The following RHPN1 variants were observed in gnomAD, a reference collection of about 807,000 sequenced individuals.
The protein encoded by RHPN1 is rhophilin Rho GTPase binding protein 1, also known as rhophilin-1.
In RHPN1, 77 loss-of-function variants were observed where a neutral mutation model predicts 74.7. The ratio of observed to expected loss-of-function variants is 1.03; its 90% confidence interval spans 0.86 to 1.25. The LOEUF (loss-of-function observed/expected upper bound fraction) is 1.25. RHPN1 is among the 50% of genes most tolerant of loss of function. The probability of loss-of-function intolerance (pLI) is 0.00; values close to 1 mark genes in which losing one functional copy is unlikely to be tolerated. For synonymous variants in RHPN1, 444 were observed against 414.5 expected (o/e 1.07, Z -0.87); for missense variants, 987 against 932.2 (o/e 1.06, Z -0.77).
chr8:143,376,906 G>GTGTGTCTGTGTGTCTGCA lies in RHPN1; in HGVS notation c.305+267_305+284dup, dbSNP rs1019095271. On this transcript the variant is annotated intron_variant, in intron 3 of 14. Transcript: ENST00000289013. ...TGTGTGTGCATGCGTCTGTGTGCGC[G>GTGTGTCTGTGTGTCTGCA]TGTGTCTGTGTGTCTGCATGTGTCT... 7.3e-4 allele frequency among the ~76,000 whole-genome samples: 92 copies of GTGTGTCTGTGTGTCTGCA among 125,848 alleles called. 2 individuals carry two copies. In the South Asian group the frequency reaches 0.022, roughly 30 times the overall value. The allele number at this position is 125,848 out of a possible 152,430, so 82.6% of individuals were successfully genotyped here.
chr8:143,378,356 T>C lies in RHPN1; in HGVS notation c.459+10T>C. 6.6e-7 allele frequency: 1 copy of C among 1,525,440 alleles called. No homozygotes were observed. 94.5% of individuals were successfully genotyped at this position (1,525,440 alleles called of 1,614,324 possible). A position where few individuals can be genotyped will look rare whatever the true frequency, so the allele number is the denominator to read the frequency against. On this transcript the variant is annotated intron_variant, in intron 5 of 14. Transcript: ENST00000289013. ...GGAGGCCCTGCGGCAGGTGTGTGGT[T>C]CCCCCGCCCACCCACCCTCCTGCAG...
chr8:143,376,891 T>C (rs1014295735), intron 3 of RHPN1, among the ~76,000 whole-genome samples: 1 of 45,426 alleles, frequency 2.2e-5, no homozygotes, highest in African/African-American at 7.9e-5. Flanking sequence ...TGTGTGTGCA[T>C]GCGTCTGTGT....
At chr8:143,378,139 G>A (rs1358087702) in intron 4 of RHPN1, 130 bp from the exon 5 acceptor site, 18 of 771,770 alleles carry the variant, frequency 2.3e-5, no homozygotes, top group Non-Finnish European at 3.6e-5. Context: ...CACGCTGCAT[G>A]GCAGCCAGCC....
chr8:143,368,434 G>A (rs1301610633), upstream of RHPN1: 1 of 152,542 alleles, frequency 6.6e-6, no homozygotes, highest in East Asian at 1.9e-4. Context: ...CCTCTTAGAG[G>A]GTCCCGTTGC....
intron 14 of RHPN1, 115 bp from the exon 15 acceptor site, chr8:143,382,321 A>G (rs766943871): frequency 8.7e-6 from 8 of 923,586 alleles, no homozygotes; most frequent in Non-Finnish European, 1.2e-5. Flanking sequence ...GGAGCCCCCA[A>G]ACAAGCCCCC....
At chr8:143,379,752 G>C in intron 8 of RHPN1, 77 bp from the exon 9 acceptor site, 1 of 1,515,390 alleles carries the variant, frequency 6.6e-7, no homozygotes, top group Non-Finnish European at 8.8e-7. Flanking sequence ...GTCGGAGCAG[G>C]TGGAGGCTGG....
At chr8:143,376,264 G>C (rs1307859067) in intron 2 of RHPN1, among the ~76,000 whole-genome samples, 1 of 152,250 alleles carries the variant, frequency 6.6e-6, no homozygotes, top group African/African-American at 2.4e-5. Flanking sequence ...AAGCCGTGGT[G>C]CTGAGGGAGG....
chr8:143,366,310 A>AT (rs561675229), upstream of RHPN1, among the ~76,000 whole-genome samples: 11 of 151,898 alleles, frequency 7.2e-5, no homozygotes, highest in South Asian at 1.2e-3. Context: ...CCATCCTTTC[A>AT]TTTTTCCCCC....
rs759406400 is a variant in RHPN1, at chr8:143,383,128, C to T, written c.*477C>T. ...CCACAGCACCCGCAGACCTCTAGGC[C>T]GGGTCCCAGACATGGCCTTCCCCCA... On this transcript the variant is annotated 3_prime_UTR_variant, in exon 15 of 15. Coordinates refer to ENST00000289013, the MANE Select transcript of RHPN1 (RefSeq NM_052924.3). 1.1e-4 allele frequency: 22 copies of T among 191,696 alleles called. No individual in the cohort carries two copies. The highest frequency in any genetic ancestry group is 2.2e-4 in the Admixed American group (4 of 17,992). The allele number at this position is 191,696 out of a possible 1,614,324, so 11.9% of individuals were successfully genotyped here. A position where few individuals can be genotyped will look rare whatever the true frequency, so the allele number is the denominator to read the frequency against.
Position 143,382,156 on chromosome 8 carries a change from C to T in RHPN1, c.1797+188C>T, listed in dbSNP as rs376874800. On this transcript the variant is annotated intron_variant, in intron 14 of 14. Transcript: ENST00000289013. The stretch of plus-strand genomic sequence containing the variant: ...CATCTGGCAGCTCTTGCCCTGACCC[C>T]GAGGATGCTGCAGCCCACCCCTCAC... Among the ~76,000 whole-genome samples the T allele has an allele frequency of 3.3e-4, 51 of 152,300 alleles. 2 individuals carry two copies. The highest frequency in any genetic ancestry group is 3.9e-4 in the East Asian group (2 of 5,176).
intron 7 of RHPN1, 102 bp from the exon 8 acceptor site, chr8:143,379,213 A>G (rs2130595259): frequency 7.2e-7 from 1 of 1,392,880 alleles, no homozygotes. Flanking sequence ...TCAGGTCCAT[A>G]TGTGTCCCAG....
At chr8:143,365,991 C>A, upstream of RHPN1, among the ~76,000 whole-genome samples, 1 of 136,530 alleles carries the variant, frequency 7.3e-6, no homozygotes, top group East Asian at 2.2e-4. Flanking sequence ...GACAGAGAGC[C>A]ACCCTGTCTC....
upstream of RHPN1, chr8:143,368,637 T>G (rs1817621507): frequency 5.6e-6 from 1 of 179,716 alleles, no homozygotes; most frequent in Admixed American, 6.2e-5. Context: ...CAGTACAACC[T>G]GCCAGCCAGC....
At position 143,383,034 on chromosome 8, in the gene RHPN1, G is replaced by C. The variant is rs571957875; in HGVS notation, c.*383G>C. 89 of 232,428 alleles carry C rather than the reference G, an allele frequency of 3.8e-4. No homozygotes were observed. Among genetic ancestry groups the C allele is most frequent in the African/African-American group, 1.8e-3 (77 of 43,860 alleles). 14.4% of individuals were successfully genotyped at this position (232,428 alleles called of 1,614,324 possible). A position where few individuals can be genotyped will look rare whatever the true frequency, so the allele number is the denominator to read the frequency against. On this transcript the variant is annotated 3_prime_UTR_variant, in exon 15 of 15. Coordinates refer to ENST00000289013, the MANE Select transcript of RHPN1 (RefSeq NM_052924.3). Reference sequence around the variant, plus strand: ...CCTGCCTCCAGCCAAGTTTCTGCCTGGTGCCCAGTGATTCCTGCTGGGCAC... The same window carrying C: ...CCTGCCTCCAGCCAAGTTTCTGCCTCGTGCCCAGTGATTCCTGCTGGGCAC...
chr8:143,378,734 G>A lies in RHPN1; in HGVS notation c.498G>A (p.Glu166=). 6.3e-7 allele frequency: 1 copy of A among 1,593,136 alleles called. No individual in the cohort carries two copies. Among genetic ancestry groups the A allele is most frequent in the South Asian group, 1.1e-5 (1 of 87,754 alleles). The stretch of plus-strand genomic sequence containing the variant: ...CCAGCCGGAATGAGTCGGGCCTGGA[G>A]CTGCTCACAGCCTATTACAACCAGC... ...RTPSRNESGL[E]LLTAYYNQLC... Residue 166 remains glutamate, a synonymous_variant, in exon 6 of 15, where the codon GAG becomes GAA. Coordinates refer to ENST00000289013, the MANE Select transcript of RHPN1 (RefSeq NM_052924.3).
chr8:143,379,461 C>A lies in RHPN1; in HGVS notation c.898C>A (p.Pro300Thr). The change falls in exon 8 of 15, where the codon CCC becomes ACC. Residue 300 changes from proline (P) to threonine (T), a missense_variant. By Grantham distance (38) the Pro-to-Thr change is conservative (BLOSUM62 -1). Coordinates refer to ENST00000289013, the MANE Select transcript of RHPN1 (RefSeq NM_052924.3). ...CCTCTCACCACCTGCCTCCATGGCCCCCCAAGACTGCCTGGCCCAGCTGCG... is the reference window on the plus strand; with the variant it reads ...CCTCTCACCACCTGCCTCCATGGCCACCCAAGACTGCCTGGCCCAGCTGCG... ...EGLSPPASMA[P>T]QDCLAQLRLA... 1 of 1,571,014 alleles carries A rather than the reference C, an allele frequency of 6.4e-7. No homozygotes were observed.
chr8:143,380,713 A>G lies in RHPN1; in HGVS notation c.1341A>G (p.Ser447=). Residue 447 remains serine (S), a synonymous_variant, in exon 11 of 15, where the codon TCA becomes TCG. Transcript: ENST00000289013. ...RAVISQTLQR[S]LAKYAELDRE... is the part of the protein sequence containing the mutation. ...TGATCTCCCAGACGCTGCAGCGCTC[A>G]CTGGCCAAGTATGCGGAGCTCGACC... 1 of 1,593,532 alleles carries G rather than the reference A, an allele frequency of 6.3e-7. No homozygotes were observed. The highest frequency in any genetic ancestry group is 8.5e-7 in the Non-Finnish European group (1 of 1,170,606).
chr8:143,376,760 TTGTCTG>T (rs1818255448), intron 3 of RHPN1, 107 bp downstream of exon 3: 14 of 1,338,808 alleles, frequency 1.0e-5, no homozygotes, highest in South Asian at 1.4e-5. Flanking sequence ...TATGTGTGCA[TTGTCTG>T]TGTGTGTGCG....
At chr8:143,378,471 C>T (rs1054274206) in intron 5 of RHPN1, 125 bp downstream of exon 5, 18 of 998,642 alleles carry the variant, frequency 1.8e-5, no homozygotes, top group East Asian at 7.9e-5. Flanking sequence ...GGGAGACGGG[C>T]GCACCAGGGG....
Sources: gnomAD v4.1 joint callset for allele counts (sites outside exome capture counted in the v4.1 genomes callset) on GRCh38, gnomAD v4.1.1 for gene constraint, MANE v1.5 for transcripts, NCBI Gene and HGNC (gene_info 2026-07-23, HGNC 2026-07-21) for gene names.